Variants in RIMS1 observed in about 807,000 individuals in gnomAD.
RIMS1 encodes regulating synaptic membrane exocytosis protein 1.
RIMS1 carries 83 observed loss-of-function variants against 214.1 expected under a neutral mutation model. That is an observed-to-expected ratio of 0.39 (90% CI 0.32 to 0.47). RIMS1 has a LOEUF of 0.47. RIMS1 is among the 20% of genes least tolerant of loss of function. The pLI, the probability that RIMS1 is intolerant of heterozygous loss-of-function variation, is 0.99. For synonymous variants in RIMS1, 793 were observed against 786.8 expected (o/e 1.01, Z -0.13); for missense variants, 2,050 against 2,161.8 (o/e 0.95, Z 1.03).
intron 2 of RIMS1, among the ~76,000 whole-genome samples, chr6:71,978,086 A>G (rs1013403957): frequency 6.6e-6 from 1 of 152,260 alleles, no homozygotes; most frequent in Non-Finnish European, 1.5e-5. Flanking sequence ...TTTTGAAAGC[A>G]GTGAGGGAGA....
At chr6:72,250,811 A>G (rs534856515) in intron 13 of RIMS1, 110 bp from the exon 14 acceptor site, 115 of 623,866 alleles carry the variant, frequency 1.8e-4, no homozygotes, top group Non-Finnish European at 2.8e-4. Context: ...TAGACTTTCC[A>G]TGAGTTATTA....
chr6:72,134,668 A>G (rs928388864), intron 4 of RIMS1, among the ~76,000 whole-genome samples: 2 of 152,180 alleles, frequency 1.3e-5, no homozygotes, highest in Non-Finnish European at 2.9e-5. Context: ...TGTGCTTAAC[A>G]TGATACACAT....
intron 26 of RIMS1, 90 bp from the exon 27 acceptor site, chr6:72,307,168 G>A (rs2095248994): frequency 1.3e-6 from 1 of 781,452 alleles, no homozygotes. Flanking sequence ...TTTAATTGAA[G>A]TCATTTCAAA....
rs1057186474 is a variant in RIMS1 at position 72,182,742 on chromosome 6, C to G, written c.1271C>G (p.Ser424Trp). 2.6e-6 allele frequency: 4 copies of G among 1,540,732 alleles called. No individual in the cohort carries two copies. The highest frequency in any genetic ancestry group is 3.5e-6 in the Non-Finnish European group (4 of 1,146,794). Reference sequence around the variant, plus strand: ...GCAGCCAGGGCCTCGCCGCCGGACTCGCCGCGGGCTTACTCGGCTGAGAGA... The same window carrying G: ...GCAGCCAGGGCCTCGCCGCCGGACTGGCCGCGGGCTTACTCGGCTGAGAGA... The part of the protein sequence containing the change: ...PAAARASPPD[S>W]PRAYSAERTA... Residue 424 changes from serine (S) to tryptophan (W), a missense_variant, in exon 6 of 34, where the codon TCG (serine) becomes TGG (tryptophan). This residue lies in a region of RIMS1 where 882 missense variants were observed against 828.9 expected (regional missense o/e 1.06). Transcript: ENST00000521978.
At chr6:72,082,726 G>T (rs1316916133) in intron 2 of RIMS1, among the ~76,000 whole-genome samples, 1 of 152,170 alleles carries the variant, frequency 6.6e-6, no homozygotes, top group Admixed American at 6.6e-5. Flanking sequence ...ATAAGTGGGT[G>T]TTCAGAACCT....
intron 1 of RIMS1, among the ~76,000 whole-genome samples, chr6:71,915,992 C>G (rs1020271030): frequency 6.6e-6 from 1 of 152,044 alleles, no homozygotes; most frequent in Non-Finnish European, 1.5e-5. Context: ...AAAGACCCTC[C>G]CCCATGATTC....
chr6:72,007,232 A>C (rs912096724), intron 2 of RIMS1, among the ~76,000 whole-genome samples: 1 of 152,256 alleles, frequency 6.6e-6, no homozygotes, highest in Non-Finnish European at 1.5e-5. Flanking sequence ...GTGGACCTCC[A>C]GCAAACTCCA....
chr6:72,311,416 A>G (rs1440006626), intron 27 of RIMS1, among the ~76,000 whole-genome samples: 1 of 152,230 alleles, frequency 6.6e-6, no homozygotes, highest in Non-Finnish European at 1.5e-5. Context: ...CATGTTATTA[A>G]ATATAACTGA....
At chr6:72,251,439 A>G in intron 15 of RIMS1, 71 bp downstream of exon 15, 6 of 1,211,364 alleles carry the variant, frequency 5.0e-6, no homozygotes, top group Non-Finnish European at 6.7e-6. Context: ...TTAATAATTC[A>G]AGATGTTTTT....
chr6:72,339,872 A>C (rs2154353086), intron 29 of RIMS1, among the ~76,000 whole-genome samples: 1 of 152,060 alleles, frequency 6.6e-6, no homozygotes, highest in East Asian at 1.9e-4. Flanking sequence ...TGACTTCCAC[A>C]ATGGTTGAAC....
intron 1 of RIMS1, 60 bp from the exon 2 acceptor site, chr6:71,968,923 A>G: frequency 6.9e-7 from 1 of 1,457,994 alleles, no homozygotes; most frequent in East Asian, 2.3e-5. Flanking sequence ...TTTAATTTCT[A>G]GATGTGTTCT....
intron 1 of RIMS1, among the ~76,000 whole-genome samples, chr6:71,923,302 G>T (rs1780564107): frequency 6.6e-6 from 1 of 152,202 alleles, no homozygotes; most frequent in Admixed American, 6.5e-5. Context: ...AAATCATGCA[G>T]TGCTCTTTGT....
At chr6:72,103,283 T>C (rs2034027255) in intron 4 of RIMS1, among the ~76,000 whole-genome samples, 1 of 152,142 alleles carries the variant, frequency 6.6e-6, no homozygotes, top group Admixed American at 6.6e-5. Flanking sequence ...ATGACAAATC[T>C]ATTTTTGAAA....
chr6:72,330,435 T>C (rs1173933949), intron 28 of RIMS1, among the ~76,000 whole-genome samples: 1 of 151,838 alleles, frequency 6.6e-6, no homozygotes, highest in African/African-American at 2.4e-5. Flanking sequence ...TATAGCACAG[T>C]ATATTTCTAT....
At chr6:72,358,030 C>T (rs1490089967) in intron 29 of RIMS1, among the ~76,000 whole-genome samples, 1 of 139,430 alleles carries the variant, frequency 7.2e-6, no homozygotes, top group Non-Finnish European at 1.7e-5. Flanking sequence ...AGCTGGTGCC[C>T]GTTAGGAAAC....
At chr6:72,173,414 G>A (rs1049350321) in intron 4 of RIMS1, among the ~76,000 whole-genome samples, 1 of 149,394 alleles carries the variant, frequency 6.7e-6, no homozygotes, top group African/African-American at 2.5e-5. Context: ...TCCATATTTT[G>A]TTCTTTTTTT....
rs551636201 is a variant in RIMS1 at position 72,230,033 on chromosome 6, A to G, written c.1679-3740A>G. Reference sequence around the variant, plus strand: ...AGTTCCAACTCACATCCTGCTATAGAGGACTCAAAAAAGTAAAAGAGGAAA... The same window carrying G: ...AGTTCCAACTCACATCCTGCTATAGGGGACTCAAAAAAGTAAAAGAGGAAA... On this transcript the variant is annotated intron_variant, in intron 6 of 33. Coordinates refer to ENST00000521978, the MANE Select transcript of RIMS1 (RefSeq NM_014989.7). Among the ~76,000 whole-genome samples the G allele has an allele frequency of 1.1e-4, 17 of 151,928 alleles. No homozygotes were observed. In the East Asian group the frequency reaches 2.5e-3, roughly 22 times the overall value.
At position 72,157,381 on chromosome 6, in the gene RIMS1, A is replaced by G. The variant is rs1272408325; in HGVS notation, c.472-22194A>G. ...ATTCTGTATGTTCTGTCAGTTACAG[A>G]TGTGTTTCTGTCTCCCACTGTATTT... On this transcript the variant is annotated intron_variant, in intron 4 of 33. Coordinates refer to ENST00000521978, the MANE Select transcript of RIMS1 (RefSeq NM_014989.7). Among the ~76,000 whole-genome samples the G allele has an allele frequency of 1.4e-5, 2 of 140,256 alleles. 1 individual carries two copies. Among genetic ancestry groups the G allele is most frequent in the Non-Finnish European group, 3.2e-5 (2 of 61,770 alleles). 92.0% of individuals were successfully genotyped at this position (140,256 alleles called of 152,430 possible). A position where few individuals can be genotyped will look rare whatever the true frequency, so the allele number is the denominator to read the frequency against.
Position 72,290,824 on chromosome 6 carries a change from C to G in RIMS1, c.3700C>G (p.Pro1234Ala), listed in dbSNP as rs376024280. 3 of 1,613,242 alleles carry G rather than the reference C, an allele frequency of 1.9e-6. No homozygotes were observed. The highest frequency in any genetic ancestry group is 2.5e-6 in the Non-Finnish European group (3 of 1,179,710). The change falls in exon 25 of 34, where the codon CCT (proline) becomes GCT (alanine). Residue 1234 changes from proline (P) to alanine (A), a missense_variant. Physicochemically the swap from Pro to Ala is conservative, Grantham distance 27. Transcript: ENST00000521978. Reference sequence around the variant, plus strand: ...ACTGTGTTCTATGCACCACCTTGTCCCTGGAGGGTCGGCGCCACCTTCTCC... The same window carrying G: ...ACTGTGTTCTATGCACCACCTTGTCGCTGGAGGGTCGGCGCCACCTTCTCC... ...RTLCSMHHLV[P>A]GGSAPPSPLL...
Sources: gnomAD v4.1 joint callset for allele counts (sites outside exome capture counted in the v4.1 genomes callset) on GRCh38, gnomAD v4.1.1 for gene constraint, gnomAD v4.1.1 regional missense constraint, MANE v1.5 for transcripts, NCBI Gene and HGNC (gene_info 2026-07-23, HGNC 2026-07-21) for gene names.